The following BFSP2 variants were observed in gnomAD, a reference collection of about 807,000 sequenced individuals.
BFSP2 encodes the protein beaded filament structural protein 2.
BFSP2 carries 38 observed loss-of-function variants against 44.9 expected under a neutral mutation model. The ratio of observed to expected loss-of-function variants is 0.85; its 90% CI spans 0.65 to 1.11. The LOEUF is 1.11. Ranked by LOEUF, BFSP2 falls within the 50% of genes least tolerant of loss-of-function variation. The pLI is 0.00. For synonymous variants in BFSP2, 197 were observed against 209.9 expected, an observed-to-expected ratio of 0.94 and a Z score of 0.53; for missense variants, 525 against 533.0, an observed-to-expected ratio of 0.99 and a Z score of 0.15.
Position 133,466,871 on chromosome 3 carries a change from A to G in BFSP2, c.935A>G (p.Lys312Arg). 8 of 1,613,904 alleles carry G rather than the reference A, an allele frequency of 5.0e-6. No individual in the cohort carries two copies. Among genetic ancestry groups the G allele is most frequent in the Non-Finnish European group, 6.8e-6 (8 of 1,179,962 alleles). Reference protein sequence around the residue: ...VAHMSQTQEEKLAAALRVELH... With the variant: ...VAHMSQTQEERLAAALRVELH... Reference sequence around the variant, plus strand: ...CACATGTCCCAGACCCAGGAGGAGAAGCTGGCAGCTGCCCTCAGGGTGGAG... The same window carrying G: ...CACATGTCCCAGACCCAGGAGGAGAGGCTGGCAGCTGCCCTCAGGGTGGAG... The change falls in exon 5 of 7, where the codon AAG becomes AGG. Residue 312 changes from lysine to arginine, a missense_variant. Lys to Arg is a conservative substitution (Grantham distance 26). Transcript: ENST00000302334.
chr3:133,414,157 C>CT, intron 1 of BFSP2, among the ~76,000 whole-genome samples: 1 of 124,252 alleles, frequency 8.0e-6, no homozygotes. Flanking sequence ...CCTGCCCTTT[C>CT]CCCTCTACTC....
intron 1 of BFSP2, among the ~76,000 whole-genome samples, chr3:133,426,451 A>G (rs1047650): frequency 0.028 from 4,210 of 152,324 alleles, 190 homozygotes; most frequent in African/African-American, 0.096. Flanking sequence ...CAGGAAAGAA[A>G]GCTCCCTTAT....
At chr3:133,410,676 C>CCCGTGGGCGGACAGGAGT (rs370037488) in intron 1 of BFSP2, 198 of 265,130 alleles carry the variant, frequency 7.5e-4, no homozygotes, top group African/African-American at 3.6e-3. Context: ...CTGTGTGCAG[C>CCCGTGGGCGGACAGGAGT]CCGTGGGCGG....
At chr3:133,407,760 G>C (rs943153415) in intron 1 of BFSP2, among the ~76,000 whole-genome samples, 1 of 152,170 alleles carries the variant, frequency 6.6e-6, no homozygotes, top group African/African-American at 2.4e-5. Flanking sequence ...GATGAAGGCA[G>C]CATTTGAAAC....
intron 1 of BFSP2, chr3:133,410,237 C>G (rs981537263): frequency 1.8e-5 from 6 of 330,612 alleles, no homozygotes; most frequent in Non-Finnish European, 3.5e-5. Flanking sequence ...CCAGTAGGAC[C>G]TCTGCACCCA....
At chr3:133,472,703 C>G in intron 6 of BFSP2, 138 bp downstream of exon 6, 1 of 965,390 alleles carries the variant, frequency 1.0e-6, no homozygotes, top group Non-Finnish European at 1.6e-6. Context: ...ATTCCCACAG[C>G]CTAGCTGTGT....
Position 133,466,889 on chromosome 3 carries a change from G to A in BFSP2, c.953G>A (p.Arg318Lys). ...TQEEKLAAAL[R>K]VELHNTSCQV... ...GAGGAGAAGCTGGCAGCTGCCCTCAGGGTGGAGTTACACAACACTTCGTGC... is the reference window on the plus strand; with the variant it reads ...GAGGAGAAGCTGGCAGCTGCCCTCAAGGTGGAGTTACACAACACTTCGTGC... Residue 318 changes from arginine (R) to lysine (K), a missense_variant, in exon 5 of 7, where the codon AGG becomes AAG. Arg to Lys is a conservative substitution (Grantham distance 26, BLOSUM62 2). Transcript: ENST00000302334. 4 of 1,614,002 alleles carry A rather than the reference G, an allele frequency of 2.5e-6. No homozygotes were observed. The highest frequency in any genetic ancestry group is 3.4e-6 in the Non-Finnish European group (4 of 1,179,986).
chr3:133,434,099 A>G (rs1032033624), intron 1 of BFSP2, among the ~76,000 whole-genome samples: 2 of 152,178 alleles, frequency 1.3e-5, no homozygotes, highest in Non-Finnish European at 2.9e-5. Context: ...TCTTGGTGCT[A>G]TTCCCAAACC....
At chr3:133,433,900 G>A (rs748068318) in intron 1 of BFSP2, among the ~76,000 whole-genome samples, 6 of 152,162 alleles carry the variant, frequency 3.9e-5, no homozygotes, top group African/African-American at 7.2e-5. Context: ...CCGTATAGAC[G>A]CTCCTTTTTA....
chr3:133,420,004 A>T (rs1244761000), intron 1 of BFSP2, among the ~76,000 whole-genome samples: 3 of 152,232 alleles, frequency 2.0e-5, no homozygotes, highest in Non-Finnish European at 4.4e-5. Flanking sequence ...TGCCCCCGAC[A>T]GGGGCGATCA....
intron 4 of BFSP2, among the ~76,000 whole-genome samples, chr3:133,456,862 A>G (rs555117205): frequency 2.0e-5 from 3 of 152,252 alleles, no homozygotes; most frequent in Non-Finnish European, 4.4e-5. Context: ...GCATAGGTCT[A>G]GATTTACCCA....
At position 133,450,479 on chromosome 3, in the gene BFSP2, C is replaced by G; in HGVS notation, c.891+15C>G. 1 of 1,613,734 alleles carries G rather than the reference C, an allele frequency of 6.2e-7. No homozygotes were observed. ...TCCAAGCTAAGGTGAGAGGCAGGAC[C>G]AGCATCCTCCACTCTGCCCTATGCA... On this transcript the variant is annotated intron_variant, in intron 4 of 6. Transcript: ENST00000302334.
chr3:133,450,511 G>A (rs1263708059), intron 4 of BFSP2, 47 bp downstream of exon 4: 2 of 1,610,486 alleles, frequency 1.2e-6, no homozygotes, highest in Admixed American at 1.7e-5. Context: ...TGCAGAAGGA[G>A]GCCACGCTGA....
intron 1 of BFSP2, among the ~76,000 whole-genome samples, chr3:133,439,889 A>T (rs1353201453): frequency 6.6e-6 from 1 of 152,094 alleles, no homozygotes; most frequent in Non-Finnish European, 1.5e-5. Context: ...TCATTCCAGT[A>T]GAAAGGGAGA....
intron 1 of BFSP2, among the ~76,000 whole-genome samples, chr3:133,419,210 C>G (rs1306328815): frequency 6.6e-6 from 1 of 152,164 alleles, no homozygotes; most frequent in Non-Finnish European, 1.5e-5. Context: ...CTCATTTTAA[C>G]CGAATTACCT....
intron 1 of BFSP2, among the ~76,000 whole-genome samples, chr3:133,431,815 C>T (rs183496008): frequency 2.0e-3 from 304 of 152,274 alleles, no homozygotes; most frequent in African/African-American, 6.3e-3. Flanking sequence ...AACTCTGGTG[C>T]CAACTTAGAC....
chr3:133,448,060 A>G (rs555491302), intron 2 of BFSP2, among the ~76,000 whole-genome samples: 4 of 152,294 alleles, frequency 2.6e-5, no homozygotes, highest in South Asian at 2.1e-4. Flanking sequence ...CACTTTTAAC[A>G]TGGGTGCTTT....
chr3:133,468,839 C>G (rs924243828), intron 5 of BFSP2, among the ~76,000 whole-genome samples: 6 of 152,208 alleles, frequency 3.9e-5, no homozygotes, highest in African/African-American at 4.8e-5. Context: ...ATTGTTGTAG[C>G]TGCCAATGCA....
rs114701587 is a variant in BFSP2, at chr3:133,437,840, T to G, written c.490-9477T>G. ...ATTCTGCAGGCCTGAGAATGCTCAGTGGGGAAGCAAAACAATGATTTGGCT... is the reference window on the plus strand; with the variant it reads ...ATTCTGCAGGCCTGAGAATGCTCAGGGGGGAAGCAAAACAATGATTTGGCT... On this transcript the variant is annotated intron_variant, in intron 1 of 6. Transcript: ENST00000302334. Among the ~76,000 whole-genome samples, 958 of 152,238 alleles carry G rather than the reference T, an allele frequency of 6.3e-3. 11 individuals are homozygous for G. Among genetic ancestry groups the G allele is most frequent in the African/African-American group, 0.022 (924 of 41,530 alleles).
Sources: allele counts gnomAD v4.1 joint callset (sites outside exome capture counted in the v4.1 genomes callset), GRCh38; gene constraint gnomAD v4.1.1; transcripts MANE v1.5; gene names NCBI Gene and HGNC (gene_info 2026-07-23, HGNC 2026-07-21).